The following DAB1 variants were observed in gnomAD, a reference collection of about 807,000 sequenced individuals.
DAB1 encodes DAB adaptor protein 1.
Under a neutral mutation model 64.6 loss-of-function variants are expected in DAB1, and 15 were observed. That is an observed-to-expected ratio of 0.23 (90% CI 0.16 to 0.36). DAB1 has a LOEUF of 0.36. Ranked by LOEUF, DAB1 falls within the 10% of genes least tolerant of loss-of-function variation. The pLI is 1.00. For missense variants in DAB1, 596 were observed against 706.7 expected (o/e 0.84, Z 1.78); for synonymous variants, 235 against 251.9 (o/e 0.93, Z 0.64).
At chr1:57,778,823 C>T (rs1000291136) in intron 6 of DAB1, among the ~76,000 whole-genome samples, 2 of 151,672 alleles carry the variant, frequency 1.3e-5, no homozygotes, top group Non-Finnish European at 2.9e-5. Context: ...TCCTTCTTTT[C>T]ATTTCTTCTT....
intron 1 of DAB1, among the ~76,000 whole-genome samples, chr1:57,364,487 A>G (rs1332225174): frequency 6.6e-6 from 1 of 152,178 alleles, no homozygotes; most frequent in Non-Finnish European, 1.5e-5. Flanking sequence ...GGCAGAGGAA[A>G]GATATCAGAT....
rs568557540 is a variant in DAB1 at position 57,179,977 on chromosome 1, G to A, written c.68-34548C>T. On this transcript the variant is annotated intron_variant, in intron 2 of 14. Transcript: ENST00000371236. ...ATGTTCTTTTTGTCCTAGTTTTTCC[G>A]GGATGAAAAAAAGGAAAGAAAAATA... Among the ~76,000 whole-genome samples the A allele has an allele frequency of 4.6e-5, 7 of 151,972 alleles. No homozygotes were observed. In the South Asian group the frequency reaches 6.2e-4, roughly 14 times the overall value.
At chr1:57,597,730 A>G (rs1645527474) in intron 7 of DAB1, among the ~76,000 whole-genome samples, 1 of 152,240 alleles carries the variant, frequency 6.6e-6, no homozygotes, top group African/African-American at 2.4e-5. Flanking sequence ...TCTTTAATAC[A>G]GAGAAGAAAA....
At chr1:58,358,922 CCTTT>C (rs1289103226) in intron 3 of DAB1, among the ~76,000 whole-genome samples, 3 of 35,976 alleles carry the variant, frequency 8.3e-5, no homozygotes, top group Non-Finnish European at 1.3e-4. Context: ...TCCCCCCCTT[CCTTT>C]CTTTCTCTCT....
At position 57,771,386 on chromosome 1, in the gene DAB1, T is replaced by A. The variant is rs536388892; in HGVS notation, n.551+112613A>T. Among the ~76,000 whole-genome samples the A allele has an allele frequency of 2.0e-5, 3 of 152,122 alleles. No individual in the cohort carries two copies. In the South Asian group the frequency reaches 6.2e-4, roughly 32 times the overall value. ...TATAAATATAAATATTAACACTGTG[T>A]CATAAGCCCTAAAATTTCCTAACAG... is the stretch of plus-strand genomic sequence containing the variant. On this transcript the variant is annotated intron_variant and non_coding_transcript_variant, in intron 6 of 20. Coordinates refer to the DAB1 transcript ENST00000485760.
At chr1:58,280,374 T>C (rs1366051538) in intron 4 of DAB1, among the ~76,000 whole-genome samples, 1 of 152,234 alleles carries the variant, frequency 6.6e-6, no homozygotes, top group Non-Finnish European at 1.5e-5. Context: ...CAGAATGCAC[T>C]TTGGCAATAA....
chr1:58,220,415 T>C (rs182612944), intron 4 of DAB1, among the ~76,000 whole-genome samples: 3 of 152,306 alleles, frequency 2.0e-5, no homozygotes, highest in East Asian at 1.9e-4. Flanking sequence ...ATAGATAATC[T>C]TTACATTTTC....
intron 2 of DAB1, among the ~76,000 whole-genome samples, chr1:57,153,592 T>G (rs577732353): frequency 6.6e-6 from 1 of 151,588 alleles, no homozygotes; most frequent in South Asian, 2.1e-4. Context: ...TATTTTAATT[T>G]TTCTGGTTAC....
chr1:58,123,157 G>A (rs151261379), intron 5 of DAB1, among the ~76,000 whole-genome samples: 204 of 152,300 alleles, frequency 1.3e-3, no homozygotes, highest in African/African-American at 4.8e-3. Flanking sequence ...ACAAGGGCAA[G>A]TAATCGCCAT....
chr1:57,766,049 C>T (rs530826288), intron 6 of DAB1, among the ~76,000 whole-genome samples: 22 of 152,106 alleles, frequency 1.4e-4, no homozygotes, highest in Middle Eastern at 3.2e-3. Flanking sequence ...TTCACTCCTT[C>T]GGTGATCTCA....
chr1:57,236,604 A>C (rs1668104619), intron 2 of DAB1, among the ~76,000 whole-genome samples: 1 of 152,238 alleles, frequency 6.6e-6, no homozygotes, highest in Admixed American at 6.5e-5. Flanking sequence ...ACACAGGAGA[A>C]ACAAATCAAC....
At chr1:57,782,354 T>A (rs1650141894) in intron 6 of DAB1, among the ~76,000 whole-genome samples, 1 of 152,220 alleles carries the variant, frequency 6.6e-6, no homozygotes, top group Non-Finnish European at 1.5e-5. Flanking sequence ...ACACAGTTTT[T>A]TAAGTCTCAC....
intron 4 of DAB1, among the ~76,000 whole-genome samples, chr1:58,297,876 G>C (rs1662029661): frequency 6.6e-6 from 1 of 152,144 alleles, no homozygotes; most frequent in Admixed American, 6.5e-5. Flanking sequence ...ACTGCATTTG[G>C]ACAAGGTGCT....
chr1:57,452,131 T>C (rs533028281), intron 7 of DAB1, among the ~76,000 whole-genome samples: 234 of 148,128 alleles, frequency 1.6e-3, no homozygotes, highest in Non-Finnish European at 2.0e-3. Flanking sequence ...AGCTATTATT[T>C]AGAGCTTAGG....
chr1:58,106,060 T>C (rs1015517568), intron 5 of DAB1, among the ~76,000 whole-genome samples: 2 of 149,780 alleles, frequency 1.3e-5, no homozygotes. Context: ...AGTGTTGTTG[T>C]TTTGGTTTTT....
chr1:57,415,048 A>C (rs1684385871), intron 1 of DAB1, among the ~76,000 whole-genome samples: 1 of 152,180 alleles, frequency 6.6e-6, no homozygotes, highest in Non-Finnish European at 1.5e-5. Context: ...AGAAAAGCCA[A>C]GACACTCTTG....
At chr1:58,120,110 C>T (rs1296505161) in intron 5 of DAB1, among the ~76,000 whole-genome samples, 1 of 152,150 alleles carries the variant, frequency 6.6e-6, no homozygotes, top group Admixed American at 6.5e-5. Context: ...GAGATATCAA[C>T]TTGAAAGGTA....
chr1:57,366,742 A>C (rs1570379937), intron 1 of DAB1, among the ~76,000 whole-genome samples: 1 of 152,220 alleles, frequency 6.6e-6, no homozygotes, highest in African/African-American at 2.4e-5. Flanking sequence ...AAAGATAATG[A>C]AACTGAGGCT....
intron 1 of DAB1, among the ~76,000 whole-genome samples, chr1:57,354,491 T>C (rs988515160): frequency 1.3e-5 from 2 of 152,144 alleles, no homozygotes; most frequent in African/African-American, 2.4e-5. Flanking sequence ...AGGGAATTGA[T>C]CATGATCAAT....
Sources: gnomAD v4.1 joint callset for allele counts (sites outside exome capture counted in the v4.1 genomes callset) on GRCh38, gnomAD v4.1.1 for gene constraint, MANE v1.5 for transcripts, NCBI Gene and HGNC (gene_info 2026-07-23, HGNC 2026-07-21) for gene names.